Variants in PCDH17 observed in about 807,000 individuals in gnomAD.
PCDH17 encodes the protein protocadherin-17.
A neutral mutation model predicts 67.7 loss-of-function variants in PCDH17; 21 were observed. The observed-to-expected ratio is 0.31, with a 90% confidence interval of 0.22 to 0.45. The LOEUF is 0.45. Ranked by LOEUF, PCDH17 falls within the 20% of genes least tolerant of loss-of-function variation. The pLI is 1.00. For synonymous variants in PCDH17, 701 were observed against 656.7 expected (o/e 1.07, Z -1.03); for missense variants, 1,471 against 1,564.8 (o/e 0.94, Z 1.01).
chr13:57,723,723 G>T (rs191933471), intron 3 of PCDH17, among the ~76,000 whole-genome samples: 3 of 152,238 alleles, frequency 2.0e-5, no homozygotes, highest in Non-Finnish European at 4.4e-5. Flanking sequence ...TGGGGTCAAT[G>T]GAAGTATGCA....
intron 3 of PCDH17, among the ~76,000 whole-genome samples, chr13:57,677,582 C>T (rs1955406152): frequency 6.6e-6 from 1 of 151,658 alleles, no homozygotes; most frequent in Admixed American, 6.6e-5. Flanking sequence ...AACGGGAAAG[C>T]CATAGTCAGT....
At position 57,632,565 on chromosome 13, in the gene PCDH17, T is replaced by G. The variant is rs1456207529; in HGVS notation, c.19T>G (p.Cys7Gly). ...GTCTGGGATGTACCTTTCCATCTGT[T>G]GCTGCTTTCTTCTATGGGCCCCTGC... Reference protein sequence around the residue: MYLSICCCFLLWAPALT... With the variant: MYLSICGCFLLWAPALT... The change falls in exon 1 of 4, where the codon TGC becomes GGC. Residue 7 changes from cysteine to glycine, a missense_variant. Around this residue, in one of 3 missense-constraint regions of PCDH17, gnomAD observed 1,163 missense variants for 1,230.0 expected, o/e 0.95. Coordinates refer to ENST00000377918, the MANE Select transcript of PCDH17 (RefSeq NM_001040429.3). The G allele has an allele frequency of 1.9e-6, 3 of 1,613,674 alleles. No individual in the cohort carries two copies. The highest frequency in any genetic ancestry group is 1.7e-6 in the Non-Finnish European group (2 of 1,179,840).
intron 1 of PCDH17, among the ~76,000 whole-genome samples, chr13:57,649,015 G>T (rs1955003556): frequency 1.3e-5 from 2 of 151,964 alleles, no homozygotes; most frequent in South Asian, 2.1e-4. Flanking sequence ...TTTGTGTATT[G>T]CTCTGCTTAC....
Position 57,633,863 on chromosome 13 carries a change from C to G in PCDH17, c.1317C>G (p.Asn439Lys). The change falls in exon 1 of 4, where the codon AAC (asparagine) becomes AAG (lysine). Residue 439 changes from asparagine (N) to lysine (K), a missense_variant. Physicochemically the swap from Asn to Lys is moderately conservative, Grantham distance 94. This residue lies in a region of PCDH17 where 1,163 missense variants were observed against 1,230.0 expected (regional missense o/e 0.95). Coordinates refer to ENST00000377918, the MANE Select transcript of PCDH17 (RefSeq NM_001040429.3). This position sits in a 1 kb window ranked among gnomAD's most constrained non-coding sequence, Gnocchi z 6.2. ...PLDRETQDEY[N>K]VTIVARDGGS... ...ACCGCGAGACACAAGACGAGTACAA[C>G]GTGACCATCGTGGCGCGGGACGGGG... The G allele has an allele frequency of 1.2e-6, 2 of 1,613,092 alleles. No individual in the cohort carries two copies. The highest frequency in any genetic ancestry group is 1.7e-6 in the Non-Finnish European group (2 of 1,180,032).
intron 3 of PCDH17, among the ~76,000 whole-genome samples, chr13:57,707,268 A>C (rs1955729173): frequency 6.6e-6 from 1 of 151,668 alleles, no homozygotes; most frequent in Admixed American, 6.6e-5. Context: ...GACCATTTGC[A>C]TTTATGACTA....
intron 1 of PCDH17, among the ~76,000 whole-genome samples, chr13:57,656,890 A>C (rs9563519): frequency 0.48 from 72,549 of 151,956 alleles, 18,284 homozygotes; most frequent in South Asian, 0.65. Context: ...TGGCACATCC[A>C]GTATTTAGTG....
At position 57,725,718 on chromosome 13, in the gene PCDH17, A is replaced by G. The variant is rs1170826462; in HGVS notation, c.*424A>G. Reference sequence around the variant, plus strand: ...TTTACCTATAAACCCCATACAAAGCAGGGTCATAATTTGTGATCTGTGGTG... The same window carrying G: ...TTTACCTATAAACCCCATACAAAGCGGGGTCATAATTTGTGATCTGTGGTG... On this transcript the variant is annotated 3_prime_UTR_variant, in exon 4 of 4. Coordinates refer to ENST00000377918, the MANE Select transcript of PCDH17 (RefSeq NM_001040429.3). 1 of 157,494 alleles carries G rather than the reference A, an allele frequency of 6.3e-6. No homozygotes were observed. Among genetic ancestry groups the G allele is most frequent in the Non-Finnish European group, 1.4e-5 (1 of 71,130 alleles). 9.8% of individuals were successfully genotyped at this position (157,494 alleles called of 1,614,324 possible). A position where few individuals can be genotyped will look rare whatever the true frequency, so the allele number is the denominator to read the frequency against.
intron 1 of PCDH17, among the ~76,000 whole-genome samples, chr13:57,637,205 A>G (rs1428048226): frequency 6.6e-6 from 1 of 152,036 alleles, no homozygotes; most frequent in Admixed American, 6.6e-5. Flanking sequence ...GACACAAACT[A>G]TGTTTTTGTT....
At chr13:57,705,585 T>C (rs1030797265) in intron 3 of PCDH17, among the ~76,000 whole-genome samples, 1 of 152,192 alleles carries the variant, frequency 6.6e-6, no homozygotes, top group African/African-American at 2.4e-5. Flanking sequence ...ACACATTTCA[T>C]TTAATAACTC....
intron 1 of PCDH17, among the ~76,000 whole-genome samples, chr13:57,649,172 T>C (rs1408233373): frequency 6.6e-6 from 1 of 152,052 alleles, no homozygotes. Context: ...TCCCAAATAC[T>C]TGGAAACTTG....
At position 57,685,176 on chromosome 13, in the gene PCDH17, T is replaced by C. The variant is rs1955494104; in HGVS notation, c.2797+18343T>C. On this transcript the variant is annotated intron_variant, in intron 3 of 3. Transcript: ENST00000377918. ...GTAATTAGTATGTTATCTATAATTTTCTTCTAATTTACTTGAGGGAGACTA... is the reference window on the plus strand; with the variant it reads ...GTAATTAGTATGTTATCTATAATTTCCTTCTAATTTACTTGAGGGAGACTA... Among the ~76,000 whole-genome samples, 3 of 151,982 alleles carry C rather than the reference T, an allele frequency of 2.0e-5. No homozygotes were observed. The South Asian group carries it at 6.2e-4, about 31-fold the overall frequency.
At chr13:57,671,442 T>A (rs1277180348) in intron 3 of PCDH17, among the ~76,000 whole-genome samples, 1 of 151,890 alleles carries the variant, frequency 6.6e-6, no homozygotes, top group Non-Finnish European at 1.5e-5. Flanking sequence ...ATAATAAAAC[T>A]TTTTTAAGAG....
chr13:57,713,302 G>GC (rs1955792344), intron 3 of PCDH17, among the ~76,000 whole-genome samples: 1 of 151,680 alleles, frequency 6.6e-6, no homozygotes, highest in South Asian at 2.1e-4. Context: ...GATATTGAGT[G>GC]CATTGATTTC....
chr13:57,690,811 G>A (rs907833104), intron 3 of PCDH17, among the ~76,000 whole-genome samples: 3 of 151,314 alleles, frequency 2.0e-5, no homozygotes, highest in East Asian at 3.9e-4. Context: ...ATCTCGTGCC[G>A]AGTATTGTTT....
intron 1 of PCDH17, among the ~76,000 whole-genome samples, chr13:57,636,370 G>A (rs1444407684): frequency 1.3e-5 from 2 of 152,264 alleles, no homozygotes; most frequent in Non-Finnish European, 2.9e-5. Flanking sequence ...AACTTTTGAT[G>A]ACACTGGACT....
rs1310830329 is a variant in PCDH17, at chr13:57,633,643, C to G, written c.1097C>G (p.Pro366Arg). 2.5e-6 allele frequency: 4 copies of G among 1,608,542 alleles called. No homozygotes were observed. The highest frequency in any genetic ancestry group is 2.7e-5 in the African/African-American group (2 of 74,958). The change falls in exon 1 of 4, where the codon CCT becomes CGT. Residue 366 changes from proline to arginine, a missense_variant. Pro to Arg is a moderately radical substitution (Grantham distance 103). Around this residue, in one of 3 missense-constraint regions of PCDH17, gnomAD observed 1,163 missense variants for 1,230.0 expected, o/e 0.95. Coordinates refer to ENST00000377918, the MANE Select transcript of PCDH17 (RefSeq NM_001040429.3). The surrounding 1 kb of genome is among the most constrained non-coding windows in gnomAD (Gnocchi z 6.2). ...VRQGALSEAA[P>R]PGTVIALVRV... The stretch of plus-strand genomic sequence containing the variant: ...CAGGGGGCGCTGAGCGAGGCCGCCC[C>G]TCCCGGCACCGTCATCGCCCTGGTG...
chr13:57,666,733 C>T lies in PCDH17; in HGVS notation c.2697C>T (p.Asp899=). ...GGCACGGGGACAGTGATCAGGCTGA[C>T]AGTGACCAAGACACTAACAAAGGCT... ...DSGHGDSDQA[D]SDQDTNKGSC... Residue 899 remains aspartate (D), a synonymous_variant, in exon 3 of 4, where the codon GAC becomes GAT. Transcript: ENST00000377918. 6.2e-7 allele frequency: 1 copy of T among 1,613,804 alleles called. No individual in the cohort carries two copies. Among genetic ancestry groups the T allele is most frequent in the Non-Finnish European group, 8.5e-7 (1 of 1,179,834 alleles).
At chr13:57,675,202 T>C (rs1955377627) in intron 3 of PCDH17, among the ~76,000 whole-genome samples, 1 of 151,934 alleles carries the variant, frequency 6.6e-6, no homozygotes, top group African/African-American at 2.4e-5. Flanking sequence ...AATCCAGACG[T>C]ACCCACTGAC....
chr13:57,637,415 G>C (rs911655396), intron 1 of PCDH17, among the ~76,000 whole-genome samples: 2 of 151,576 alleles, frequency 1.3e-5, no homozygotes, highest in African/African-American at 4.8e-5. Flanking sequence ...GGGGAGCAGA[G>C]TAAATTAACT....
Sources: gnomAD v4.1 joint callset for allele counts (sites outside exome capture counted in the v4.1 genomes callset) on GRCh38, gnomAD v4.1.1 for gene constraint, gnomAD v4.1.1 regional missense constraint, Gnocchi (gnomAD v3.1) non-coding constraint, MANE v1.5 for transcripts, NCBI Gene and HGNC (gene_info 2026-07-23, HGNC 2026-07-21) for gene names.